The following OR3A2 variants were observed in gnomAD, a reference collection of about 807,000 sequenced individuals.
OR3A2 encodes olfactory receptor family 3 subfamily A member 2.
For missense variants in OR3A2, 318 were observed against 392.8 expected, an observed-to-expected ratio of 0.81 and a Z score of 1.61; for synonymous variants, 126 against 159.3, an observed-to-expected ratio of 0.79 and a Z score of 1.57.
In OR3A2 at chr17:3,363,078, TGAA is replaced by T. The variant is rs527489723; in HGVS notation, c.-179+20723_-179+20725del. On this transcript the variant is annotated intron_variant, in intron 2 of 4. Coordinates refer to the OR3A2 transcript ENST00000573491. Reference sequence around the variant, plus strand: ...TCTGGGCCTGTGATAGGAGAGGCTGTGAAGAAGATCTCTGAAATGCACTGGAGA... The same window carrying T: ...TCTGGGCCTGTGATAGGAGAGGCTGTGAAGATCTCTGAAATGCACTGGAGA... Among the ~76,000 whole-genome samples the T allele has an allele frequency of 2.5e-3, 377 of 151,890 alleles. 12 individuals are homozygous for T. Among genetic ancestry groups the T allele is most frequent in the African/African-American group, 8.6e-3 (355 of 41,172 alleles).
intron 3 of OR3A2, among the ~76,000 whole-genome samples, chr17:3,331,394 C>T (rs1012306266): frequency 6.6e-6 from 1 of 152,066 alleles, no homozygotes; most frequent in African/African-American, 2.4e-5. Context: ...TCCCATATTT[C>T]TTGGAGGCTT....
intron 3 of OR3A2, among the ~76,000 whole-genome samples, chr17:3,319,210 C>G (rs1038169773): frequency 6.6e-6 from 1 of 152,140 alleles, no homozygotes; most frequent in Non-Finnish European, 1.5e-5. Flanking sequence ...TGAATATACA[C>G]TAACTTCAGT....
rs2049075653 is a variant in OR3A2, at chr17:3,315,670, T to G, written c.-85+20363A>C. 1.3e-5 allele frequency among the ~76,000 whole-genome samples: 2 copies of G among 151,408 alleles called. 1 individual carries two copies. Among genetic ancestry groups the G allele is most frequent in the South Asian group, 4.2e-4 (2 of 4,774 alleles). On this transcript the variant is annotated intron_variant, in intron 3 of 4. Transcript: ENST00000573491. ...TTATTCTGCTGATGGTTTATTTTGC[T>G]ATGCGGATCTTTAATTAGGTCCCAC...
At chr17:3,306,361 TAGAACGCCTGGCCTCA>T (rs2049000120) in intron 3 of OR3A2, among the ~76,000 whole-genome samples, 2 of 152,030 alleles carry the variant, frequency 1.3e-5, no homozygotes. Flanking sequence ...GCCCCTGATC[TAGAACGCCTGGCCTCA>T]AGCAATCCCC....
At chr17:3,356,285 T>G (rs1467177702) in intron 2 of OR3A2, among the ~76,000 whole-genome samples, 2 of 151,504 alleles carry the variant, frequency 1.3e-5, no homozygotes, top group African/African-American at 4.9e-5. Context: ...TTATAGTGTT[T>G]TAAGATTCTG....
intron 3 of OR3A2, among the ~76,000 whole-genome samples, chr17:3,331,746 C>T (rs1384616809): frequency 3.3e-5 from 5 of 151,978 alleles, no homozygotes; most frequent in Admixed American, 6.6e-5. Flanking sequence ...AGCTTTGTTC[C>T]ATTGCTGGTG....
intron 2 of OR3A2, among the ~76,000 whole-genome samples, chr17:3,342,575 G>A (rs548014200): frequency 1.3e-5 from 2 of 152,340 alleles, no homozygotes; most frequent in African/African-American, 4.8e-5. Context: ...CCGTTTGCCT[G>A]GGTGTCACCA....
At chr17:3,318,741 C>T (rs2049095947) in intron 3 of OR3A2, among the ~76,000 whole-genome samples, 1 of 152,112 alleles carries the variant, frequency 6.6e-6, no homozygotes, top group Non-Finnish European at 1.5e-5. Flanking sequence ...TGTGTTTTTT[C>T]CACAGCTATT....
chr17:3,341,325 T>A (rs2049316537), intron 2 of OR3A2, among the ~76,000 whole-genome samples: 1 of 152,226 alleles, frequency 6.6e-6, no homozygotes, highest in Non-Finnish European at 1.5e-5. Flanking sequence ...GCTGGTGATT[T>A]TGCCCGTTAA....
intron 3 of OR3A2, among the ~76,000 whole-genome samples, chr17:3,296,394 T>C (rs1213247872): frequency 6.6e-6 from 1 of 151,944 alleles, no homozygotes; most frequent in African/African-American, 2.4e-5. Flanking sequence ...ACGAAAGAAT[T>C]AAATGATCCA....
At chr17:3,369,684 G>C (rs999596654) in intron 2 of OR3A2, among the ~76,000 whole-genome samples, 6 of 151,808 alleles carry the variant, frequency 4.0e-5, no homozygotes, top group Non-Finnish European at 8.8e-5. Context: ...ATATTGGTCT[G>C]TAATTTTCTT....
At chr17:3,364,280 T>C (rs909567969) in intron 2 of OR3A2, among the ~76,000 whole-genome samples, 2 of 152,258 alleles carry the variant, frequency 1.3e-5, no homozygotes, top group South Asian at 2.1e-4. Flanking sequence ...GATACACGTA[T>C]ACATTATGGA....
chr17:3,335,930 C>A (rs1249432708), intron 3 of OR3A2, 99 bp downstream of exon 2: 1 of 152,256 alleles, frequency 6.6e-6, no homozygotes, highest in East Asian at 1.9e-4. Flanking sequence ...AAACAACTGA[C>A]AAGGTGCCAA....
chr17:3,286,497 T>C (rs1289208606), upstream of OR3A2, among the ~76,000 whole-genome samples: 1 of 152,224 alleles, frequency 6.6e-6, no homozygotes, highest in Non-Finnish European at 1.5e-5. Flanking sequence ...CCACACTGTC[T>C]TCCACAATAG....
At chr17:3,314,372 AAAT>A (rs2049064914) in intron 3 of OR3A2, among the ~76,000 whole-genome samples, 1 of 152,366 alleles carries the variant, frequency 6.6e-6, no homozygotes, top group East Asian at 1.9e-4. Flanking sequence ...ATGCAAATAT[AAAT>A]AATTCATGTT....
intron 2 of OR3A2, among the ~76,000 whole-genome samples, chr17:3,380,022 T>G (rs1346865944): frequency 6.6e-6 from 1 of 152,112 alleles, no homozygotes; most frequent in Admixed American, 6.5e-5. Context: ...CCACAGAATT[T>G]CCAGGCTAAT....
intron 2 of OR3A2, among the ~76,000 whole-genome samples, chr17:3,359,820 T>C (rs951266156): frequency 5.9e-5 from 9 of 151,786 alleles, no homozygotes; most frequent in African/African-American, 2.2e-4. Flanking sequence ...CAGTCTATCA[T>C]TGTTGGACAT....
intron 2 of OR3A2, among the ~76,000 whole-genome samples, chr17:3,359,979 C>T (rs562576037): frequency 5.3e-5 from 8 of 151,768 alleles, no homozygotes; most frequent in Non-Finnish European, 8.8e-5. Context: ...AGTTTTAGAT[C>T]CCTGAGGAAT....
intron 2 of OR3A2, among the ~76,000 whole-genome samples, chr17:3,368,595 T>C (rs768766904): frequency 3.1e-4 from 47 of 152,226 alleles, no homozygotes; most frequent in Admixed American, 2.0e-3. Flanking sequence ...TTGGTCTACG[T>C]GTCTGTTTTT....
Sources: allele counts gnomAD v4.1 joint callset (sites outside exome capture counted in the v4.1 genomes callset), GRCh38; gene constraint gnomAD v4.1.1; transcripts MANE v1.5; gene names NCBI Gene and HGNC (gene_info 2026-07-23, HGNC 2026-07-21).